BRSK2: variants seen among roughly 807,000 people sequenced by gnomAD.
The protein encoded by BRSK2 is BR serine/threonine kinase 2, also known as serine/threonine-protein kinase BRSK2.
BRSK2 carries 19 observed loss-of-function variants against 83.3 expected under a neutral mutation model. The observed-to-expected ratio is 0.23, with a 90% confidence interval of 0.16 to 0.33. The LOEUF (loss-of-function observed/expected upper bound fraction) is 0.33, where lower values mean the gene tolerates loss of function less well. Ranked by LOEUF, BRSK2 falls within the 10% of genes least tolerant of loss-of-function variation. BRSK2 has a pLI of 1.00. For synonymous variants in BRSK2, 519 were observed against 435.4 expected (o/e 1.19, Z -2.39); for missense variants, 798 against 1,042.3 (o/e 0.77, Z 3.23).
intron 1 of BRSK2, chr11:1,410,604 G>C: frequency 1.0e-6 from 1 of 985,368 alleles, no homozygotes; most frequent in Non-Finnish European, 1.2e-6. Context: ...CGGGGGCTCC[G>C]AGTGCAGGGC....
At chr11:1,397,897 G>A (rs1218250504) in intron 1 of BRSK2, among the ~76,000 whole-genome samples, 1 of 152,192 alleles carries the variant, frequency 6.6e-6, no homozygotes, top group African/African-American at 2.4e-5. Flanking sequence ...GAGGGGGATG[G>A]GGGTGCCCAG....
In BRSK2 at chr11:1,443,317, G is replaced by A. The variant is rs560515559; in HGVS notation, c.565-18G>A. The A allele has an allele frequency of 3.1e-5, 50 of 1,600,966 alleles. No homozygotes were observed. The highest frequency in any genetic ancestry group is 4.0e-4 in the Middle Eastern group (2 of 4,952). On this transcript the variant is annotated intron_variant, in intron 6 of 19. Coordinates refer to ENST00000528841, the MANE Select transcript of BRSK2 (RefSeq NM_001256627.2). ...CCTGCCCTGCGCCCCCCAACAGCCC[G>A]GGCACTGCTGTCCACAGGGGGAGAA... is the stretch of plus-strand genomic sequence containing the variant.
chr11:1,392,279 G>C (rs1246089973), intron 1 of BRSK2, among the ~76,000 whole-genome samples: 1 of 152,212 alleles, frequency 6.6e-6, no homozygotes, highest in Non-Finnish European at 1.5e-5. Context: ...GTGGGAGAAC[G>C]GGAGGCTGGG....
At chr11:1,459,048 C>T in intron 18 of BRSK2, 144 bp from the exon 19 acceptor site, 1 of 785,292 alleles carries the variant, frequency 1.3e-6, no homozygotes, top group Admixed American at 2.0e-5. Context: ...GCTCTGGCCC[C>T]CCCAGTATTC....
chr11:1,400,297 A>G (rs1174614295), intron 1 of BRSK2, among the ~76,000 whole-genome samples: 1 of 152,060 alleles, frequency 6.6e-6, no homozygotes, highest in Non-Finnish European at 1.5e-5. Context: ...CTTTCCCCGG[A>G]GGCCCGGGCA....
chr11:1,391,918 C>G (rs1227226764), intron 1 of BRSK2, among the ~76,000 whole-genome samples: 1 of 152,062 alleles, frequency 6.6e-6, no homozygotes, highest in Non-Finnish European at 1.5e-5. Flanking sequence ...CTGCTGGCGG[C>G]AGTTAATTAC....
intron 1 of BRSK2, among the ~76,000 whole-genome samples, chr11:1,409,057 T>C (rs1178721561): frequency 6.6e-6 from 1 of 151,878 alleles, no homozygotes; most frequent in African/African-American, 2.4e-5. Context: ...TGTACAGGGA[T>C]GTGTGTGTAT....
chr11:1,446,994 C>T (rs1253161353), intron 12 of BRSK2, among the ~76,000 whole-genome samples: 1 of 152,102 alleles, frequency 6.6e-6, no homozygotes, highest in Non-Finnish European at 1.5e-5. Context: ...TAAACCTGTT[C>T]CAGCCCCAGC....
chr11:1,401,421 C>T (rs1478719876), intron 1 of BRSK2, among the ~76,000 whole-genome samples: 1 of 152,210 alleles, frequency 6.6e-6, no homozygotes, highest in African/African-American at 2.4e-5. Flanking sequence ...AAGAATAGGT[C>T]GCTCTTCCAG....
chr11:1,450,819 G>T, intron 14 of BRSK2, 25 bp downstream of exon 14: 1 of 1,576,054 alleles, frequency 6.3e-7, no homozygotes, highest in Non-Finnish European at 8.6e-7. Context: ...GGAGGCGCCA[G>T]AGTGGGGCTG....
rs200030108 is a variant in BRSK2 at position 1,417,526 on chromosome 11, CA to C, written c.92-18513del. Among the ~76,000 whole-genome samples the C allele has an allele frequency of 2.0e-4, 30 of 148,386 alleles. No individual in the cohort carries two copies. In the East Asian group the frequency reaches 3.9e-3, roughly 19 times the overall value. ...TGTTTCTTCTCTTGAGAGTGGGTCA[CA>C]CTGTGTCATGCTTCTGTGGGCTGTT... On this transcript the variant is annotated intron_variant, in intron 1 of 19. Coordinates refer to ENST00000528841, the MANE Select transcript of BRSK2 (RefSeq NM_001256627.2).
chr11:1,439,553 G>A (rs908074011), intron 3 of BRSK2, among the ~76,000 whole-genome samples: 1 of 152,034 alleles, frequency 6.6e-6, no homozygotes, highest in Non-Finnish European at 1.5e-5. Flanking sequence ...AGTGCGGGGG[G>A]GATGGGCACA....
At chr11:1,436,551 C>T (rs1053056240) in intron 2 of BRSK2, among the ~76,000 whole-genome samples, 4 of 152,140 alleles carry the variant, frequency 2.6e-5, no homozygotes, top group South Asian at 2.1e-4. Flanking sequence ...GCCTGGCCTC[C>T]GTCGGCTCCA....
At chr11:1,445,025 A>G in intron 9 of BRSK2, 23 bp downstream of exon 9, 1 of 1,609,380 alleles carries the variant, frequency 6.2e-7, no homozygotes, top group East Asian at 2.2e-5. Flanking sequence ...TCCACCCACT[A>G]ATCGCCTGCT....
chr11:1,422,710 C>A (rs1848754040), intron 1 of BRSK2, among the ~76,000 whole-genome samples: 2 of 152,162 alleles, frequency 1.3e-5, no homozygotes, highest in Non-Finnish European at 2.9e-5. Context: ...CACAGGCAGG[C>A]AGGCCTGACC....
chr11:1,433,965 G>T (rs937813031), intron 1 of BRSK2, among the ~76,000 whole-genome samples: 1 of 152,238 alleles, frequency 6.6e-6, no homozygotes, highest in Non-Finnish European at 1.5e-5. Context: ...CAGGCGTGAC[G>T]CCACACAGAT....
intron 1 of BRSK2, among the ~76,000 whole-genome samples, chr11:1,400,724 G>A (rs549319305): frequency 7.9e-5 from 12 of 152,342 alleles, no homozygotes; most frequent in Admixed American, 7.8e-4. Context: ...GGTCGGGGGT[G>A]GGGGCAGGTA....
intron 12 of BRSK2, chr11:1,447,997 C>A (rs995700799): frequency 1.1e-6 from 1 of 906,322 alleles, no homozygotes. Flanking sequence ...AGCCAGCCAG[C>A]AAGCCAGGCA....
chr11:1,448,496 G>A (rs576003223), intron 12 of BRSK2, among the ~76,000 whole-genome samples: 1 of 152,346 alleles, frequency 6.6e-6, no homozygotes, highest in East Asian at 1.9e-4. Context: ...GTAGCTCAGT[G>A]TTCCCAGCAG....
Sources: allele counts gnomAD v4.1 joint callset (sites outside exome capture counted in the v4.1 genomes callset), GRCh38; gene constraint gnomAD v4.1.1; transcripts MANE v1.5; gene names NCBI Gene and HGNC (gene_info 2026-07-23, HGNC 2026-07-21).